TENM4: variants seen among roughly 807,000 people sequenced by gnomAD.
TENM4 encodes teneurin-4.
Under a neutral mutation model 243.3 loss-of-function variants are expected in TENM4, and 82 were observed. The ratio of observed to expected loss-of-function variants is 0.34; its 90% CI spans 0.28 to 0.40. The LOEUF is 0.40. TENM4 is among the 10% of genes least tolerant of loss of function. The pLI is 1.00. For synonymous variants in TENM4, 1,412 were observed against 1,456.3 expected (o/e 0.97, Z 0.69); for missense variants, 3,138 against 3,673.3 (o/e 0.85, Z 3.77).
chr11:78,955,358 G>C (rs73502620), intron 6 of TENM4, among the ~76,000 whole-genome samples: 2,134 of 152,296 alleles, frequency 0.014, 40 homozygotes, highest in African/African-American at 0.048. Flanking sequence ...CCTCCTTCCA[G>C]GTGCCTCTTC....
rs531482279 is a variant in TENM4 at position 78,831,330 on chromosome 11, C to T, written c.1682-16935G>A. 3.2e-4 allele frequency among the ~76,000 whole-genome samples: 48 copies of T among 152,364 alleles called. No individual in the cohort carries two copies. In the Middle Eastern group the frequency reaches 0.014, roughly 43 times the overall value. On this transcript the variant is annotated intron_variant, in intron 12 of 33. Transcript: ENST00000278550. ...GGACCAAGGTGGGACCTAACTCCCT[C>T]TATGGCCCCAGCTCCCAGCTCCCAG...
intron 14 of TENM4, among the ~76,000 whole-genome samples, chr11:78,807,249 T>A (rs1311761564): frequency 6.6e-6 from 1 of 152,176 alleles, no homozygotes; most frequent in African/African-American, 2.4e-5. Flanking sequence ...TAAATTCTAT[T>A]TTTGATTTTT....
intron 13 of TENM4, 41 bp from the exon 14 acceptor site, chr11:78,812,357 A>C: frequency 1.3e-6 from 2 of 1,538,084 alleles, no homozygotes; most frequent in Non-Finnish European, 1.8e-6. Flanking sequence ...ATCAATGTCC[A>C]GCACACCCCA....
Position 78,657,766 on chromosome 11 carries a change from C to G in TENM4, c.*292G>C. The stretch of plus-strand genomic sequence containing the variant: ...ATGCATCTCAGAGAGGAGATACATA[C>G]CCCAAACGACAAGGGAAAAATCCTC... On this transcript the variant is annotated 3_prime_UTR_variant, in exon 34 of 34. Transcript: ENST00000278550. 2.0e-6 allele frequency: 1 copy of G among 504,608 alleles called. No individual in the cohort carries two copies. The highest frequency in any genetic ancestry group is 3.6e-6 in the Non-Finnish European group (1 of 280,232). The allele number at this position is 504,608 out of a possible 1,614,324, so 31.3% of individuals were successfully genotyped here.
intron 6 of TENM4, among the ~76,000 whole-genome samples, chr11:79,043,735 A>G (rs1859594194): frequency 1.3e-5 from 2 of 152,226 alleles, no homozygotes. Context: ...CTGAATGAAC[A>G]AATAAGCCTA....
chr11:79,172,566 C>T (rs1863069264), intron 3 of TENM4, among the ~76,000 whole-genome samples: 1 of 152,170 alleles, frequency 6.6e-6, no homozygotes, highest in African/African-American at 2.4e-5. Flanking sequence ...TCCCACGTGG[C>T]CTTCTCCTTT....
At chr11:78,856,953 GT>G (rs749139363) in intron 10 of TENM4, among the ~76,000 whole-genome samples, 2 of 152,188 alleles carry the variant, frequency 1.3e-5, no homozygotes, top group Non-Finnish European at 2.9e-5. Context: ...GGTGTCATGA[GT>G]AAAGTCTCTC....
intron 4 of TENM4, among the ~76,000 whole-genome samples, chr11:79,146,514 A>G (rs778970634): frequency 1.3e-5 from 2 of 152,090 alleles, no homozygotes; most frequent in Non-Finnish European, 2.9e-5. Context: ...ACTAGAGGGT[A>G]CGTTTTCCTA....
chr11:79,020,512 A>T (rs1202824473), intron 6 of TENM4, among the ~76,000 whole-genome samples: 3 of 152,194 alleles, frequency 2.0e-5, no homozygotes, highest in African/African-American at 7.2e-5. Flanking sequence ...AAACTGATTA[A>T]ATATCAGCCA....
intron 1 of TENM4, among the ~76,000 whole-genome samples, chr11:79,350,428 C>G (rs1456439655): frequency 3.0e-5 from 4 of 134,500 alleles, no homozygotes; most frequent in Non-Finnish European, 6.3e-5. Context: ...CCTTTCTTGG[C>G]TTTTTTTTTT....
rs577788138 is a variant in TENM4 at position 79,055,296 on chromosome 11, C to T, written c.493+9442G>A. On this transcript the variant is annotated intron_variant, in intron 6 of 33. Coordinates refer to ENST00000278550, the MANE Select transcript of TENM4 (RefSeq NM_001098816.3). ...TCACTCTGTTGTCTAGGCTGGTGTG[C>T]GGTGGCATGATCTTGGCTCACAGCA... is the stretch of plus-strand genomic sequence containing the variant. Among the ~76,000 whole-genome samples, 13 of 151,966 alleles carry T rather than the reference C, an allele frequency of 8.6e-5. No individual in the cohort carries two copies. In the East Asian group the frequency reaches 1.9e-3, roughly 23 times the overall value.
At chr11:78,853,544 C>A (rs1181800613) in intron 12 of TENM4, among the ~76,000 whole-genome samples, 3 of 152,192 alleles carry the variant, frequency 2.0e-5, no homozygotes, top group African/African-American at 2.4e-5. Context: ...AGGGCCCACT[C>A]TTTGTCAGAG....
rs556393648 is a variant in TENM4 at position 79,009,312 on chromosome 11, A to G, written c.493+55426T>C. 9.2e-5 allele frequency among the ~76,000 whole-genome samples: 14 copies of G among 152,282 alleles called. No homozygotes were observed. The East Asian group carries it at 2.7e-3, about 29-fold the overall frequency. On this transcript the variant is annotated intron_variant, in intron 6 of 33. Coordinates refer to ENST00000278550, the MANE Select transcript of TENM4 (RefSeq NM_001098816.3). The stretch of plus-strand genomic sequence containing the variant: ...TTTGGTGTTTAACCTTTGGTTAGGT[A>G]TGTGGGGTACACAGACTGGGCCCAA...
intron 4 of TENM4, among the ~76,000 whole-genome samples, chr11:79,124,107 C>T (rs1401742686): frequency 6.6e-6 from 1 of 152,176 alleles, no homozygotes; most frequent in Non-Finnish European, 1.5e-5. Flanking sequence ...TGGCAGGACT[C>T]TGAGGCTGGG....
chr11:79,050,888 C>A (rs943972247), intron 6 of TENM4, among the ~76,000 whole-genome samples: 1 of 152,116 alleles, frequency 6.6e-6, no homozygotes, highest in Non-Finnish European at 1.5e-5. Context: ...CTGACTGGAG[C>A]CTTTTCACAC....
intron 2 of TENM4, among the ~76,000 whole-genome samples, chr11:79,295,847 C>T (rs1421942191): frequency 1.9e-5 from 2 of 105,794 alleles, no homozygotes; most frequent in Non-Finnish European, 3.7e-5. Flanking sequence ...TGAAAAATTA[C>T]ACCCGTAAGT....
At chr11:79,024,183 G>C (rs1859012564) in intron 6 of TENM4, among the ~76,000 whole-genome samples, 1 of 152,124 alleles carries the variant, frequency 6.6e-6, no homozygotes, top group African/African-American at 2.4e-5. Context: ...AGGGTACCTG[G>C]CCCAGTTCCA....
At chr11:78,928,200 C>A (rs184634238) in intron 6 of TENM4, among the ~76,000 whole-genome samples, 5 of 152,334 alleles carry the variant, frequency 3.3e-5, no homozygotes, top group African/African-American at 1.2e-4. Context: ...GGTCCCCGCT[C>A]TGACTACAGT....
chr11:79,403,872 C>G (rs1412901323), intron 1 of TENM4, among the ~76,000 whole-genome samples: 1 of 152,036 alleles, frequency 6.6e-6, no homozygotes, highest in Non-Finnish European at 1.5e-5. Context: ...GCAAAATACT[C>G]ACAATGATCA....
Sources: allele counts gnomAD v4.1 joint callset (sites outside exome capture counted in the v4.1 genomes callset), GRCh38; gene constraint gnomAD v4.1.1; transcripts MANE v1.5; gene names NCBI Gene and HGNC (gene_info 2026-07-23, HGNC 2026-07-21).